The following FBN1 variants were observed in gnomAD, a reference collection of about 807,000 sequenced individuals.
The protein encoded by FBN1 is fibrillin-1.
FBN1 carries 29 observed loss-of-function variants against 365.1 expected under a neutral mutation model. That is an observed-to-expected ratio of 0.08 (90% confidence interval 0.06 to 0.11). The LOEUF (loss-of-function observed/expected upper bound fraction) is 0.11, where lower values mean the gene tolerates loss of function less well. Among genes scored for constraint, FBN1 ranks in the 10% least tolerant of loss-of-function variants. The pLI is 1.00. For missense variants in FBN1, 2,476 were observed against 3,703.2 expected (o/e 0.67, Z 8.60); for synonymous variants, 1,210 against 1,270.5 (o/e 0.95, Z 1.01).
chr15:48,420,607 A>G, intron 63 of FBN1, 80 bp downstream of exon 63: 1 of 1,573,178 alleles, frequency 6.4e-7, no homozygotes, highest in South Asian at 1.1e-5. Flanking sequence ...TAACACATTT[A>G]CAGCTTCAGA....
intron 1 of FBN1, among the ~76,000 whole-genome samples, chr15:48,645,327 C>T (rs1266045798): frequency 1.3e-5 from 2 of 152,242 alleles, no homozygotes; most frequent in Non-Finnish European, 2.9e-5. Flanking sequence ...GCCAGCCGCG[C>T]CGTCCCCGCC....
chr15:48,412,379 C>G (rs1178030257), intron 65 of FBN1, among the ~76,000 whole-genome samples, 190 bp downstream of exon 65: 1 of 152,144 alleles, frequency 6.6e-6, no homozygotes, highest in Non-Finnish European at 1.5e-5. Flanking sequence ...ATGGCCACTC[C>G]CGAAAAGCAG....
In FBN1 at chr15:48,600,134, C is replaced by T. The variant is rs551381032; in HGVS notation, c.442+5G>A. 4 of 1,597,096 alleles carry T rather than the reference C, an allele frequency of 2.5e-6. No individual in the cohort carries two copies. The South Asian group carries it at 3.3e-5, about 13-fold the overall frequency. On this transcript the variant is annotated splice_donor_5th_base_variant and intron_variant, in intron 5 of 65. Transcript: ENST00000316623. ...CTAGAATACTTATAACTACAGTGTA[C>T]TTACGTTGTCCACAGTGAGTCCCTA...
At chr15:48,536,353 C>A (rs192713026) in intron 7 of FBN1, among the ~76,000 whole-genome samples, 8 of 152,144 alleles carry the variant, frequency 5.3e-5, no homozygotes, top group Admixed American at 2.6e-4. Context: ...CCCCACCCCC[C>A]CAATTCCATT....
At chr15:48,463,547 C>A (rs1426457236) in intron 41 of FBN1, among the ~76,000 whole-genome samples, 1 of 152,210 alleles carries the variant, frequency 6.6e-6, no homozygotes, top group Non-Finnish European at 1.5e-5. Flanking sequence ...TCCCTACTGC[C>A]ATTTGGCAAT....
intron 6 of FBN1, among the ~76,000 whole-genome samples, chr15:48,540,692 C>A (rs948105807): frequency 3.3e-5 from 5 of 152,048 alleles, no homozygotes; most frequent in Admixed American, 6.5e-5. Context: ...GCAGTGTAAT[C>A]TTTTATTTAA....
At chr15:48,489,658 T>G (rs2043538859) in intron 25 of FBN1, among the ~76,000 whole-genome samples, 193 bp downstream of exon 25, 1 of 151,814 alleles carries the variant, frequency 6.6e-6, no homozygotes, top group Admixed American at 6.6e-5. Context: ...ACAGAACAAT[T>G]TTAACCCCCA....
intron 6 of FBN1, among the ~76,000 whole-genome samples, chr15:48,555,867 C>T (rs914938325): frequency 2.0e-5 from 3 of 152,134 alleles, no homozygotes; most frequent in Admixed American, 6.5e-5. Flanking sequence ...ACTGAATGTA[C>T]CCAACTCATC....
At chr15:48,494,391 A>AT in intron 22 of FBN1, 137 bp from the exon 23 acceptor site, 1 of 715,210 alleles carries the variant, frequency 1.4e-6, no homozygotes, top group Non-Finnish European at 2.5e-6. Context: ...TAAGTATGAG[A>AT]TAACAAAATG....
At chr15:48,622,983 A>G (rs1889797720) in intron 2 of FBN1, among the ~76,000 whole-genome samples, 1 of 152,244 alleles carries the variant, frequency 6.6e-6, no homozygotes, top group African/African-American at 2.4e-5. Flanking sequence ...AAACCTACAT[A>G]GGCTATACTG....
At chr15:48,620,319 C>G (rs1889743209) in intron 2 of FBN1, among the ~76,000 whole-genome samples, 1 of 152,220 alleles carries the variant, frequency 6.6e-6, no homozygotes, top group African/African-American at 2.4e-5. Flanking sequence ...ATAGTTCCAT[C>G]AGCCTCACAA....
intron 56 of FBN1, 57 bp downstream of exon 56, chr15:48,430,614 T>C (rs1489080776): frequency 1.2e-6 from 2 of 1,607,196 alleles, no homozygotes; most frequent in Non-Finnish European, 1.7e-6. Context: ...CCCAGGTTCC[T>C]TCTGTCCACT....
In FBN1 at chr15:48,515,372, G is replaced by C. The variant is rs762023380; in HGVS notation, c.1468+15C>G. On this transcript the variant is annotated intron_variant, in intron 12 of 65. Transcript: ENST00000316623. ...ACAACAGACCCTTGGTGCCAACCTA[G>C]GATGGATCACGTACCAATACACTCC... 6.2e-7 allele frequency: 1 copy of C among 1,613,748 alleles called. No homozygotes were observed. The highest frequency in any genetic ancestry group is 1.7e-5 in the Admixed American group (1 of 60,004).
Position 48,427,751 on chromosome 15 carries a change from G to C in FBN1, c.7020C>G (p.Phe2340Leu), listed in dbSNP as rs769138948. ...GACACATGTTTTGTAGCACCTCTGT[G>C]AAGCAGTACCCTTCCCGATTGTCTG... is the stretch of plus-strand genomic sequence containing the variant. The part of the protein sequence containing the change: ...ECLDNREGYC[F>L]TEVLQNMCQI... The change falls in exon 58 of 66, where the codon TTC (phenylalanine) becomes TTG (leucine). Residue 2340 changes from phenylalanine to leucine, a missense_variant. By Grantham distance (22) the Phe-to-Leu change is conservative. Around this residue, in one of 5 missense-constraint regions of FBN1, gnomAD observed 1,780 missense variants for 2,840.8 expected, o/e 0.63. Coordinates refer to ENST00000316623, the MANE Select transcript of FBN1 (RefSeq NM_000138.5). 1 of 1,614,054 alleles carries C rather than the reference G, an allele frequency of 6.2e-7. No homozygotes were observed. Among genetic ancestry groups the C allele is most frequent in the Admixed American group, 1.7e-5 (1 of 60,006 alleles).
chr15:48,447,912 T>C (rs1429178797), intron 46 of FBN1, among the ~76,000 whole-genome samples: 2 of 152,156 alleles, frequency 1.3e-5, no homozygotes, highest in Non-Finnish European at 2.9e-5. Flanking sequence ...GGTGAAGTTC[T>C]TTGGTTGGGA....
intron 8 of FBN1, among the ~76,000 whole-genome samples, chr15:48,533,840 T>C (rs1279279291): frequency 6.6e-6 from 1 of 152,228 alleles, no homozygotes; most frequent in Admixed American, 6.5e-5. Context: ...GTTTTTAATA[T>C]TTAATTTGAT....
intron 38 of FBN1, among the ~76,000 whole-genome samples, chr15:48,467,172 T>C (rs748195595): frequency 1.5e-4 from 23 of 152,350 alleles, no homozygotes; most frequent in African/African-American, 3.6e-4. Context: ...TTTTGAATTA[T>C]AGCGCTTATG....
chr15:48,619,344 T>G (rs1889721855), intron 2 of FBN1, among the ~76,000 whole-genome samples: 1 of 152,038 alleles, frequency 6.6e-6, no homozygotes, highest in Non-Finnish European at 1.5e-5. Context: ...AATAATAGAT[T>G]TATTCTGGTT....
rs370307722 is a variant in FBN1, at chr15:48,489,824, T to C, written c.3082+27A>G. 2.5e-6 allele frequency: 4 copies of C among 1,582,188 alleles called. No homozygotes were observed. In the African/African-American group the frequency reaches 4.0e-5, roughly 16 times the overall value. On this transcript the variant is annotated intron_variant, in intron 25 of 65. Transcript: ENST00000316623. Reference sequence around the variant, plus strand: ...CCTATTTGTCTAAAAAGGGAGGCAATTGGCCATGGAAAACGTAACATTGTA... The same window carrying C: ...CCTATTTGTCTAAAAAGGGAGGCAACTGGCCATGGAAAACGTAACATTGTA...
Sources: allele counts gnomAD v4.1 joint callset (sites outside exome capture counted in the v4.1 genomes callset), GRCh38; gene constraint gnomAD v4.1.1; regional missense constraint gnomAD v4.1.1; transcripts MANE v1.5; gene names NCBI Gene and HGNC (gene_info 2026-07-23, HGNC 2026-07-21).